The following TMCC1 variants were observed in gnomAD, a reference collection of about 807,000 sequenced individuals.
TMCC1 encodes the protein transmembrane and coiled-coil domain family 1, also known as transmembrane and coiled-coil domains protein 1.
In TMCC1, 15 loss-of-function variants were observed where a neutral mutation model predicts 52.4. That is an observed-to-expected ratio of 0.29 (90% CI 0.19 to 0.44). The LOEUF (loss-of-function observed/expected upper bound fraction) is 0.44. Among genes scored for constraint, TMCC1 ranks in the 20% least tolerant of loss-of-function variants. TMCC1 has a pLI of 1.00. For missense variants in TMCC1, 503 were observed against 806.0 expected (o/e 0.62, Z 4.55); for synonymous variants, 279 against 301.9 (o/e 0.92, Z 0.79).
At chr3:129,849,375 G>A (rs753850095) in intron 2 of TMCC1, among the ~76,000 whole-genome samples, 5 of 151,526 alleles carry the variant, frequency 3.3e-5, no homozygotes, top group African/African-American at 7.3e-5. Flanking sequence ...CATGAGAATC[G>A]CTTGAACCCA....
At chr3:129,667,348 T>C (rs1435811833) in intron 5 of TMCC1, among the ~76,000 whole-genome samples, 1 of 151,320 alleles carries the variant, frequency 6.6e-6, no homozygotes, top group Non-Finnish European at 1.5e-5. Context: ...GGAGGGGAAA[T>C]CTCTATCTGC....
At chr3:129,753,194 TC>T (rs1352013634) in intron 4 of TMCC1, among the ~76,000 whole-genome samples, 6 of 152,228 alleles carry the variant, frequency 3.9e-5, no homozygotes, top group Non-Finnish European at 7.3e-5. Flanking sequence ...TAGAGAATCA[TC>T]TCACATTTTT....
chr3:129,713,570 T>A (rs2048852862), intron 4 of TMCC1, among the ~76,000 whole-genome samples: 1 of 151,828 alleles, frequency 6.6e-6, no homozygotes, highest in Admixed American at 6.6e-5. Flanking sequence ...AAGATGAAAA[T>A]GGAAGCACAA....
intron 2 of TMCC1, among the ~76,000 whole-genome samples, chr3:129,874,445 C>T (rs141960067): frequency 6.6e-6 from 1 of 152,312 alleles, no homozygotes; most frequent in Non-Finnish European, 1.5e-5. Flanking sequence ...CAGTGGTTCA[C>T]ACCTGTAATC....
intron 4 of TMCC1, among the ~76,000 whole-genome samples, chr3:129,786,900 CGAT>C (rs539153769): frequency 4.7e-4 from 72 of 152,140 alleles, no homozygotes; most frequent in Non-Finnish European, 7.6e-4. Flanking sequence ...ATGATTAACT[CGAT>C]GAGTTTTCTT....
chr3:129,815,366 A>G (rs1387095319), intron 4 of TMCC1, among the ~76,000 whole-genome samples: 2 of 152,158 alleles, frequency 1.3e-5, no homozygotes, highest in African/African-American at 4.8e-5. Flanking sequence ...CTATAAAGCA[A>G]TAGTAAACAT....
chr3:129,661,854 GA>G (rs540911459), intron 5 of TMCC1, among the ~76,000 whole-genome samples: 7 of 150,632 alleles, frequency 4.6e-5, no homozygotes, highest in Non-Finnish European at 1.0e-4. Flanking sequence ...ATAACGAAAG[GA>G]AAAAAAAACC....
At chr3:129,763,228 A>C in intron 4 of TMCC1, among the ~76,000 whole-genome samples, 1 of 143,194 alleles carries the variant, frequency 7.0e-6, no homozygotes, top group African/African-American at 2.6e-5. Flanking sequence ...ATAAATAAAT[A>C]AATAAATAAA....
intron 4 of TMCC1, among the ~76,000 whole-genome samples, chr3:129,821,219 T>C (rs1348732020): frequency 6.6e-6 from 1 of 151,914 alleles, no homozygotes. Flanking sequence ...GCTGTAGATG[T>C]GTAGATGTAG....
chr3:129,824,864 C>T (rs1200513002), intron 4 of TMCC1, among the ~76,000 whole-genome samples: 3 of 152,170 alleles, frequency 2.0e-5, no homozygotes, highest in Non-Finnish European at 2.9e-5. Flanking sequence ...TTCTGATTCT[C>T]CCAAGCAAAC....
intron 2 of TMCC1, among the ~76,000 whole-genome samples, chr3:129,876,343 C>T (rs2061213411): frequency 6.6e-6 from 1 of 151,300 alleles, no homozygotes. Context: ...TCACAAGCCC[C>T]ACTGACAGAA....
At chr3:129,652,168 T>C (rs1201417599) in intron 6 of TMCC1, among the ~76,000 whole-genome samples, 2 of 152,268 alleles carry the variant, frequency 1.3e-5, no homozygotes, top group African/African-American at 2.4e-5. Flanking sequence ...TAGTCTCTCT[T>C]GACATTTCCT....
In TMCC1 at chr3:129,735,997, T is replaced by C. The variant is rs530099289; in HGVS notation, c.577-64733A>G. ...AGTAGAGCCGAAAGACCTGCTCTTA[T>C]CTGTAGACCTTAAGTAATGTACTTT... On this transcript the variant is annotated intron_variant, in intron 4 of 6. Coordinates refer to ENST00000393238, the MANE Select transcript of TMCC1 (RefSeq NM_001017395.5). Among the ~76,000 whole-genome samples, 10 of 152,350 alleles carry C rather than the reference T, an allele frequency of 6.6e-5. No homozygotes were observed. In the South Asian group the frequency reaches 2.1e-3, roughly 32 times the overall value.
At chr3:129,720,178 T>A (rs2049451293) in intron 4 of TMCC1, among the ~76,000 whole-genome samples, 1 of 125,746 alleles carries the variant, frequency 8.0e-6, no homozygotes, top group Non-Finnish European at 1.6e-5. Context: ...TAAGACCCTG[T>A]CTCAAAAAAA....
intron 2 of TMCC1, among the ~76,000 whole-genome samples, chr3:129,850,065 C>A (rs908485038): frequency 6.6e-6 from 1 of 151,974 alleles, no homozygotes; most frequent in Admixed American, 6.6e-5. Context: ...TCTTAAGATA[C>A]AAAGTCTGTA....
intron 4 of TMCC1, among the ~76,000 whole-genome samples, chr3:129,680,168 T>G (rs1344409336): frequency 6.6e-6 from 1 of 152,206 alleles, no homozygotes; most frequent in Admixed American, 6.5e-5. Context: ...ATGCCCAAAA[T>G]TATTTTTCTT....
intron 4 of TMCC1, among the ~76,000 whole-genome samples, chr3:129,750,867 G>A (rs997284200): frequency 1.3e-5 from 2 of 150,348 alleles, no homozygotes; most frequent in African/African-American, 4.9e-5. Context: ...GAGCCACTGC[G>A]CCCAGCCAGA....
intron 4 of TMCC1, among the ~76,000 whole-genome samples, chr3:129,743,823 G>A (rs1391376332): frequency 6.6e-6 from 1 of 151,788 alleles, no homozygotes; most frequent in Non-Finnish European, 1.5e-5. Context: ...CAACGTGCTT[G>A]ATATTTATTA....
chr3:129,862,493 T>C (rs149111971), intron 2 of TMCC1, among the ~76,000 whole-genome samples: 1 of 152,270 alleles, frequency 6.6e-6, no homozygotes, highest in African/African-American at 2.4e-5. Flanking sequence ...AAAAGGTGTA[T>C]ATACAAATTA....
Sources: gnomAD v4.1 joint callset for allele counts (sites outside exome capture counted in the v4.1 genomes callset) on GRCh38, gnomAD v4.1.1 for gene constraint, MANE v1.5 for transcripts, NCBI Gene and HGNC (gene_info 2026-07-23, HGNC 2026-07-21) for gene names.